Variants in DCC observed in about 807,000 individuals in gnomAD.
DCC encodes DCC netrin 1 receptor, also known as netrin receptor DCC.
DCC carries 58 observed loss-of-function variants against 172.5 expected under a neutral mutation model. The observed-to-expected ratio is 0.34, with a 90% confidence interval of 0.27 to 0.42. The LOEUF is 0.42. Among genes scored for constraint, DCC ranks in the 10% least tolerant of loss-of-function variants. The pLI is 1.00. For missense variants in DCC, 1,740 were observed against 1,791.0 expected, an observed-to-expected ratio of 0.97 and a Z score of 0.51; for synonymous variants, 709 against 644.5, an observed-to-expected ratio of 1.10 and a Z score of -1.52.
chr18:53,492,380 C>T (rs573711047), intron 26 of DCC, among the ~76,000 whole-genome samples: 18 of 152,152 alleles, frequency 1.2e-4, no homozygotes, highest in Admixed American at 5.9e-4. Context: ...AGTCTTTTCC[C>T]GTGCTTATGT....
chr18:53,149,735 T>G (rs1039082273), intron 7 of DCC, among the ~76,000 whole-genome samples: 1 of 152,190 alleles, frequency 6.6e-6, no homozygotes, highest in Non-Finnish European at 1.5e-5. Context: ...TTTCTCCTCC[T>G]TTTTTCTGAA....
At chr18:52,545,542 G>GTCC (rs1377576648) in intron 1 of DCC, among the ~76,000 whole-genome samples, 2 of 152,282 alleles carry the variant, frequency 1.3e-5, no homozygotes, top group African/African-American at 4.8e-5. Context: ...TCACCATGAG[G>GTCC]GGGATTGGTC....
At chr18:53,519,606 A>AAAT (rs1293436776) in intron 27 of DCC, among the ~76,000 whole-genome samples, 1 of 151,954 alleles carries the variant, frequency 6.6e-6, no homozygotes, top group African/African-American at 2.4e-5. Context: ...GCTGACTCCA[A>AAAT]AATTGAGATT....
chr18:52,348,906 GTC>G (rs1459252320), intron 1 of DCC, among the ~76,000 whole-genome samples: 1 of 152,114 alleles, frequency 6.6e-6, no homozygotes, highest in African/African-American at 2.4e-5. Context: ...TGTTTATTGT[GTC>G]TTTATAGAGA....
At chr18:52,709,237 G>T (rs1306725877) in intron 1 of DCC, among the ~76,000 whole-genome samples, 2 of 152,166 alleles carry the variant, frequency 1.3e-5, no homozygotes, top group Non-Finnish European at 2.9e-5. Flanking sequence ...TAGGTAGATT[G>T]TATAATCCGT....
intron 1 of DCC, among the ~76,000 whole-genome samples, chr18:52,684,697 G>C (rs1478259996): frequency 6.6e-6 from 1 of 152,010 alleles, no homozygotes; most frequent in Non-Finnish European, 1.5e-5. Flanking sequence ...CATGAAGCAA[G>C]ATAAGCTGGA....
chr18:52,735,743 G>C (rs889818071), intron 1 of DCC, among the ~76,000 whole-genome samples: 2 of 152,084 alleles, frequency 1.3e-5, no homozygotes, highest in African/African-American at 4.8e-5. Context: ...ATTAGATGGT[G>C]CCCAGCCAGA....
At chr18:53,078,191 T>C (rs2042748113) in intron 7 of DCC, among the ~76,000 whole-genome samples, 1 of 152,104 alleles carries the variant, frequency 6.6e-6, no homozygotes, top group Non-Finnish European at 1.5e-5. Context: ...CTTGGGAGAT[T>C]GAGATGGGAG....
chr18:53,251,159 C>G (rs534885929), intron 12 of DCC, among the ~76,000 whole-genome samples: 9 of 152,020 alleles, frequency 5.9e-5, no homozygotes, highest in South Asian at 4.1e-4. Flanking sequence ...TCGGCTCCCC[C>G]CAACCCCTGC....
chr18:53,085,450 C>T (rs531740484), intron 7 of DCC, among the ~76,000 whole-genome samples: 132 of 152,064 alleles, frequency 8.7e-4, no homozygotes, highest in African/African-American at 3.0e-3. Flanking sequence ...GTGTAAGAAA[C>T]TGGAGTAAAC....
intron 2 of DCC, among the ~76,000 whole-genome samples, chr18:52,821,187 C>T (rs533357925): frequency 6.6e-6 from 1 of 152,268 alleles, no homozygotes; most frequent in African/African-American, 2.4e-5. Flanking sequence ...CAACATCAAA[C>T]CTACTATCCT....
At chr18:52,921,416 C>T (rs996779879) in intron 3 of DCC, among the ~76,000 whole-genome samples, 1 of 151,882 alleles carries the variant, frequency 6.6e-6, no homozygotes, top group Non-Finnish European at 1.5e-5. Context: ...TGGAAAACCT[C>T]AGCTGGGCTT....
intron 1 of DCC, among the ~76,000 whole-genome samples, chr18:52,727,151 G>A (rs899375640): frequency 6.6e-5 from 10 of 152,072 alleles, no homozygotes; most frequent in African/African-American, 2.4e-4. Context: ...TATAAGAAAT[G>A]GAAATCCAAA....
At chr18:52,713,770 A>G (rs2036334632) in intron 1 of DCC, among the ~76,000 whole-genome samples, 1 of 152,138 alleles carries the variant, frequency 6.6e-6, no homozygotes, top group South Asian at 2.1e-4. Flanking sequence ...TCAGAAGGGA[A>G]GTGTTAAGCC....
intron 12 of DCC, among the ~76,000 whole-genome samples, chr18:53,229,493 C>T (rs1322009457): frequency 1.3e-5 from 2 of 152,008 alleles, no homozygotes; most frequent in African/African-American, 2.4e-5. Flanking sequence ...TTATCTATGC[C>T]CTTTAGGTTA....
At position 52,925,305 on chromosome 18, in the gene DCC, T is replaced by G; in HGVS notation, c.920T>G (p.Met307Arg). 3 of 1,612,330 alleles carry G rather than the reference T, an allele frequency of 1.9e-6. No individual in the cohort carries two copies. Among genetic ancestry groups the G allele is most frequent in the Middle Eastern group, 1.7e-4 (1 of 6,052 alleles). ...ISNVTDDDSGMYTCVVTYKNE... is the reference protein window; with the variant it reads ...ISNVTDDDSGRYTCVVTYKNE... ...AATGTGACAGATGATGACAGTGGAA[T>G]GTATACCTGTGTTGTCACATATAAA... The change falls in exon 5 of 29, where the codon ATG (methionine) becomes AGG (arginine). Residue 307 changes from methionine (M) to arginine (R), a missense_variant. By Grantham distance (91) the Met-to-Arg change is moderately conservative (BLOSUM62 -1). Around this residue, in one of 2 missense-constraint regions of DCC, gnomAD observed 1,732 missense variants for 1,767.4 expected, o/e 0.98. Transcript: ENST00000442544.
intron 2 of DCC, among the ~76,000 whole-genome samples, chr18:52,779,790 T>C (rs1440868460): frequency 6.6e-6 from 1 of 152,216 alleles, no homozygotes; most frequent in Admixed American, 6.5e-5. Flanking sequence ...AGCATTCCTA[T>C]TTCTTCATAT....
intron 1 of DCC, among the ~76,000 whole-genome samples, chr18:52,420,755 C>A (rs758770034): frequency 6.6e-6 from 1 of 151,944 alleles, no homozygotes; most frequent in Non-Finnish European, 1.5e-5. Flanking sequence ...TGGGAACATT[C>A]TTGGTGGGAG....
At chr18:52,533,915 C>T (rs1429979742) in intron 1 of DCC, among the ~76,000 whole-genome samples, 2 of 152,088 alleles carry the variant, frequency 1.3e-5, no homozygotes, top group Non-Finnish European at 1.5e-5. Context: ...CATGCTGTTA[C>T]TATTTTTTTT....
Sources: gnomAD v4.1 joint callset for allele counts (sites outside exome capture counted in the v4.1 genomes callset) on GRCh38, gnomAD v4.1.1 for gene constraint, gnomAD v4.1.1 regional missense constraint, MANE v1.5 for transcripts, NCBI Gene and HGNC (gene_info 2026-07-23, HGNC 2026-07-21) for gene names.